UBE2V2: variants seen among roughly 807,000 people sequenced by gnomAD.
The protein encoded by UBE2V2 is ubiquitin-conjugating enzyme E2 variant 2.
In UBE2V2, 9 loss-of-function variants were observed where a neutral mutation model predicts 17.2. The observed-to-expected ratio is 0.52, with a 90% CI of 0.32 to 0.91. UBE2V2 has a LOEUF of 0.91. Ranked by LOEUF, UBE2V2 falls within the 40% of genes least tolerant of loss-of-function variation. The pLI, the probability that UBE2V2 is intolerant of heterozygous loss-of-function variation, is 0.04. For synonymous variants in UBE2V2, 61 were observed against 57.5 expected, an observed-to-expected ratio of 1.06 and a Z score of -0.28; for missense variants, 133 against 182.6, an observed-to-expected ratio of 0.73 and a Z score of 1.56.
intron 2 of UBE2V2, among the ~76,000 whole-genome samples, chr8:48,044,516 G>A (rs1395710096): frequency 6.6e-6 from 1 of 152,158 alleles, no homozygotes; most frequent in Non-Finnish European, 1.5e-5. Context: ...GAATGAATTA[G>A]TGTGTGTTTT....
chr8:48,045,567 G>A (rs1460045493), intron 2 of UBE2V2, among the ~76,000 whole-genome samples: 7 of 152,166 alleles, frequency 4.6e-5, no homozygotes, highest in East Asian at 1.9e-4. Flanking sequence ...AGAAGGGGGC[G>A]AAGGTAAGGT....
At chr8:48,017,191 AT>A (rs1440001807) in intron 1 of UBE2V2, among the ~76,000 whole-genome samples, 9 of 151,660 alleles carry the variant, frequency 5.9e-5, no homozygotes, top group African/African-American at 1.9e-4. Flanking sequence ...GATGTTGAGA[AT>A]TTTTTTCATA....
At chr8:48,022,366 C>G (rs1281497997) in intron 1 of UBE2V2, among the ~76,000 whole-genome samples, 1 of 152,062 alleles carries the variant, frequency 6.6e-6, no homozygotes, top group African/African-American at 2.4e-5. Flanking sequence ...GAACTCCTGA[C>G]CTCAGGTAAT....
intron 2 of UBE2V2, among the ~76,000 whole-genome samples, chr8:48,048,915 C>T (rs927293890): frequency 2.0e-5 from 3 of 151,724 alleles, no homozygotes; most frequent in African/African-American, 7.3e-5. Context: ...TTTAAAGTTT[C>T]AATAATTATA....
intron 3 of UBE2V2, among the ~76,000 whole-genome samples, chr8:48,058,240 G>T (rs1047811489): frequency 2.6e-5 from 4 of 152,062 alleles, no homozygotes; most frequent in Admixed American, 2.6e-4. Context: ...AGGCTGAGGC[G>T]GGTGGATCAT....
At chr8:48,008,328 C>G (rs937783827), upstream of UBE2V2, 4 of 1,302,168 alleles carry the variant, frequency 3.1e-6, no homozygotes, top group Non-Finnish European at 3.9e-6. Flanking sequence ...GCGCGCTGTC[C>G]CTCGGGTCGC....
intron 1 of UBE2V2, among the ~76,000 whole-genome samples, chr8:48,023,610 G>T (rs1263120638): frequency 1.3e-5 from 2 of 152,064 alleles, no homozygotes; most frequent in Admixed American, 6.5e-5. Flanking sequence ...AGTGGCTTAC[G>T]CCTGTAATCC....
intron 1 of UBE2V2, among the ~76,000 whole-genome samples, chr8:48,008,821 C>T (rs193070773): frequency 1.4e-4 from 21 of 152,012 alleles, no homozygotes; most frequent in Admixed American, 6.5e-5. Flanking sequence ...TGTCAACCTC[C>T]GGCACCGAAG....
chr8:48,020,078 A>G (rs1375142554), intron 1 of UBE2V2, among the ~76,000 whole-genome samples: 4 of 147,412 alleles, frequency 2.7e-5, no homozygotes, highest in Admixed American at 6.8e-5. Flanking sequence ...AGGTCTCCCT[A>G]TCTAGGCTAG....
chr8:48,024,586 A>G (rs1175824747), intron 1 of UBE2V2, among the ~76,000 whole-genome samples: 4 of 150,690 alleles, frequency 2.7e-5, no homozygotes, highest in Non-Finnish European at 5.9e-5. Context: ...CAAGAGCTAA[A>G]CTCCGTCTCA....
At chr8:48,032,532 C>G (rs2091390796) in intron 1 of UBE2V2, among the ~76,000 whole-genome samples, 1 of 152,036 alleles carries the variant, frequency 6.6e-6, no homozygotes, top group South Asian at 2.1e-4. Flanking sequence ...GCAGGAGGAC[C>G]CCTTGAGCCT....
At chr8:48,054,277 C>G (rs779930272) in intron 3 of UBE2V2, among the ~76,000 whole-genome samples, 2 of 152,178 alleles carry the variant, frequency 1.3e-5, no homozygotes, top group Non-Finnish European at 2.9e-5. Context: ...GGGAATACAT[C>G]TAGAAGTGTG....
rs1290071667 is a variant in UBE2V2 at position 48,049,978 on chromosome 8, G to A, written c.291G>A (p.Met97Ile). The change falls in exon 3 of 4, where the codon ATG becomes ATA. Residue 97 changes from methionine to isoleucine, a missense_variant and splice_region_variant. Around this residue, in one of 3 missense-constraint regions of UBE2V2, gnomAD observed 92 missense variants for 124.3 expected, o/e 0.74. Transcript: ENST00000523111. ...ACGGAATAAATAATTCCAGTGGGATGGTAAGTTAATATAGTCATTTTGGTT... is the reference window on the plus strand; with the variant it reads ...ACGGAATAAATAATTCCAGTGGGATAGTAAGTTAATATAGTCATTTTGGTT... The part of the protein sequence containing the change: ...NMNGINNSSG[M>I]VDARSIPVLA... 1 of 1,532,804 alleles carries A rather than the reference G, an allele frequency of 6.5e-7. No homozygotes were observed. 95.0% of individuals were successfully genotyped at this position (1,532,804 alleles called of 1,614,324 possible). A position where few individuals can be genotyped will look rare whatever the true frequency, so the allele number is the denominator to read the frequency against.
chr8:48,046,362 C>T (rs1253986617), intron 2 of UBE2V2, among the ~76,000 whole-genome samples: 2 of 152,186 alleles, frequency 1.3e-5, no homozygotes. Context: ...TTGTGATCCA[C>T]CCGCCTCGGC....
At chr8:48,023,744 T>A (rs2091320959) in intron 1 of UBE2V2, among the ~76,000 whole-genome samples, 1 of 151,950 alleles carries the variant, frequency 6.6e-6, no homozygotes, top group African/African-American at 2.4e-5. Context: ...GGCATGATGG[T>A]GCTTGCTTAT....
chr8:48,034,997 A>G, intron 1 of UBE2V2: 2 of 984,308 alleles, frequency 2.0e-6, no homozygotes, highest in Non-Finnish European at 2.4e-6. Flanking sequence ...CAGGGTGTTC[A>G]GAATTCTTAC....
chr8:48,018,600 T>C (rs936335730), intron 1 of UBE2V2, among the ~76,000 whole-genome samples: 1 of 152,240 alleles, frequency 6.6e-6, no homozygotes, highest in African/African-American at 2.4e-5. Context: ...GAATGTTCCA[T>C]GTGCAGCTTA....
intron 3 of UBE2V2, among the ~76,000 whole-genome samples, chr8:48,051,035 A>G (rs1445892448): frequency 6.6e-6 from 1 of 152,008 alleles, no homozygotes; most frequent in Non-Finnish European, 1.5e-5. Flanking sequence ...TTTGGTAGAG[A>G]TGGGGTTTCG....
intron 2 of UBE2V2, among the ~76,000 whole-genome samples, chr8:48,047,880 A>G (rs1195982174): frequency 6.6e-6 from 1 of 152,176 alleles, no homozygotes; most frequent in African/African-American, 2.4e-5. Context: ...GGATAAAATC[A>G]AAGGTGTCAG....
Sources: gnomAD v4.1 joint callset for allele counts (sites outside exome capture counted in the v4.1 genomes callset) on GRCh38, gnomAD v4.1.1 for gene constraint, gnomAD v4.1.1 regional missense constraint, MANE v1.5 for transcripts, NCBI Gene and HGNC (gene_info 2026-07-23, HGNC 2026-07-21) for gene names.